The following KPNA5 variants were observed in gnomAD, a reference collection of about 807,000 sequenced individuals.
KPNA5 encodes the protein karyopherin subunit alpha 5, also known as importin subunit alpha-6.
KPNA5 carries 46 observed loss-of-function variants against 71.3 expected under a neutral mutation model. The observed-to-expected ratio is 0.65, with a 90% CI of 0.51 to 0.83. The LOEUF is 0.83. KPNA5 is among the 40% of genes least tolerant of loss of function. The pLI is 0.00. For missense variants in KPNA5, 547 were observed against 628.3 expected (o/e 0.87, Z 1.38); for synonymous variants, 207 against 201.4 (o/e 1.03, Z -0.24).
intron 7 of KPNA5, among the ~76,000 whole-genome samples, chr6:116,715,335 A>T (rs1349582912): frequency 6.6e-6 from 1 of 152,164 alleles, no homozygotes; most frequent in African/African-American, 2.4e-5. Flanking sequence ...CAACTCTAAA[A>T]GTTTCAATTA....
In KPNA5 at chr6:116,733,107, T is replaced by C. The variant is rs1305386649; in HGVS notation, c.*784T>C. On this transcript the variant is annotated 3_prime_UTR_variant, in exon 14 of 14. Coordinates refer to ENST00000368564, the MANE Select transcript of KPNA5 (RefSeq NM_001366306.2). ...ACCAAATATGCTACCATTTTTGAAA[T>C]AGTGTTTTATTGTTTTTCACTCATT... 1 of 151,810 alleles carries C rather than the reference T, an allele frequency of 6.6e-6. No individual in the cohort carries two copies. Among genetic ancestry groups the C allele is most frequent in the East Asian group, 1.9e-4 (1 of 5,196 alleles). 9.4% of individuals were successfully genotyped at this position (151,810 alleles called of 1,614,324 possible).
Position 116,725,761 on chromosome 6 carries a change from A to G in KPNA5, c.1010A>G (p.Asn337Ser). 6.2e-7 allele frequency: 1 copy of G among 1,607,296 alleles called. No individual in the cohort carries two copies. Among genetic ancestry groups the G allele is most frequent in the Non-Finnish European group, 8.5e-7 (1 of 1,177,722 alleles). Residue 337 changes from asparagine to serine, a missense_variant, in exon 11 of 14, where the codon AAT (asparagine) becomes AGT (serine). Physicochemically the swap from Asn to Ser is conservative, Grantham distance 46. Transcript: ENST00000368564. ...TCTAACTTGTTTTAGGTAATTTTGA[A>G]TTGTTCTGCATTACCCTGTCTCTTA... is the stretch of plus-strand genomic sequence containing the variant. ...GDDIQTQVILNCSALPCLLHL... is the reference protein window; with the variant it reads ...GDDIQTQVILSCSALPCLLHL...
intron 1 of KPNA5, 40 bp from the exon 2 acceptor site, chr6:116,689,280 T>C: frequency 6.3e-7 from 1 of 1,583,648 alleles, no homozygotes; most frequent in Non-Finnish European, 8.5e-7. Flanking sequence ...TTTGAGAGAG[T>C]GAGTTATCAG....
chr6:116,721,700 C>T (rs1779112387), intron 8 of KPNA5, among the ~76,000 whole-genome samples: 1 of 152,010 alleles, frequency 6.6e-6, no homozygotes, highest in Non-Finnish European at 1.5e-5. Context: ...CTTTCTGTAC[C>T]TTAGTTCCTC....
chr6:116,698,874 AG>A, intron 5 of KPNA5, 76 bp downstream of exon 5: 6 of 746,562 alleles, frequency 8.0e-6, no homozygotes, highest in Non-Finnish European at 8.6e-6. Flanking sequence ...CAACTTCTGC[AG>A]TATTGACTAT....
intron 1 of KPNA5, among the ~76,000 whole-genome samples, chr6:116,687,635 G>A (rs1051733215): frequency 6.6e-6 from 1 of 152,094 alleles, no homozygotes; most frequent in Non-Finnish European, 1.5e-5. Flanking sequence ...TCCTCCATCC[G>A]TATTCTCTGT....
Position 116,734,144 on chromosome 6 carries a change from G to A in KPNA5, c.*1821G>A, listed in dbSNP as rs1458733457. Reference sequence around the variant, plus strand: ...TAGTTATATTAAAGCTTACCAAATTGATGGTGAATTTATCAGATTAACCTT... The same window carrying A: ...TAGTTATATTAAAGCTTACCAAATTAATGGTGAATTTATCAGATTAACCTT... On this transcript the variant is annotated 3_prime_UTR_variant, in exon 14 of 14. Transcript: ENST00000368564. 6.6e-6 allele frequency: 1 copy of A among 151,658 alleles called. No individual in the cohort carries two copies. The highest frequency in any genetic ancestry group is 2.4e-5 in the African/African-American group (1 of 41,374). The allele number at this position is 151,658 out of a possible 1,614,324, so 9.4% of individuals were successfully genotyped here. A position where few individuals can be genotyped will look rare whatever the true frequency, so the allele number is the denominator to read the frequency against.
chr6:116,728,371 C>A (rs963382671), intron 12 of KPNA5, among the ~76,000 whole-genome samples: 27 of 152,040 alleles, frequency 1.8e-4, no homozygotes, highest in Admixed American at 1.8e-3. Flanking sequence ...TTTCTAACCA[C>A]TTTTATCATT....
At chr6:116,685,073 C>T (rs770825840) in intron 1 of KPNA5, among the ~76,000 whole-genome samples, 10 of 152,156 alleles carry the variant, frequency 6.6e-5, no homozygotes, top group Non-Finnish European at 1.2e-4. Flanking sequence ...ACACAAACAC[C>T]TTTACATAAA....
At chr6:116,724,557 A>C (rs571260839) in intron 10 of KPNA5, among the ~76,000 whole-genome samples, 182 bp downstream of exon 10, 43 of 152,052 alleles carry the variant, frequency 2.8e-4, no homozygotes, top group Non-Finnish European at 5.4e-4. Flanking sequence ...GATTGACTCC[A>C]GCCAGATTTG....
chr6:116,683,552 A>G (rs1562423133), intron 1 of KPNA5, among the ~76,000 whole-genome samples: 1 of 152,122 alleles, frequency 6.6e-6, no homozygotes. Context: ...TGTTATTAGT[A>G]AAGTTATGTT....
intron 7 of KPNA5, among the ~76,000 whole-genome samples, chr6:116,715,870 G>A (rs149510865): frequency 0.042 from 6,327 of 151,742 alleles, 218 homozygotes; most frequent in Non-Finnish European, 0.065. Context: ...AGCCAAGATC[G>A]TGCCACTGCA....
intron 1 of KPNA5, among the ~76,000 whole-genome samples, chr6:116,685,350 G>A (rs1777534831): frequency 6.6e-6 from 1 of 152,136 alleles, no homozygotes; most frequent in African/African-American, 2.4e-5. Flanking sequence ...GTAAACTCGT[G>A]TCATGGGTGT....
chr6:116,699,407 T>G (rs1055127873), intron 5 of KPNA5, among the ~76,000 whole-genome samples: 1 of 152,176 alleles, frequency 6.6e-6, no homozygotes, highest in African/African-American at 2.4e-5. Flanking sequence ...TATTCTTAAG[T>G]CAGAGTACAG....
chr6:116,697,406 A>G (rs936742835), intron 4 of KPNA5, among the ~76,000 whole-genome samples: 6 of 152,106 alleles, frequency 3.9e-5, no homozygotes, highest in Non-Finnish European at 5.9e-5. Context: ...AGTTAGAAGA[A>G]TAGCAAATTT....
chr6:116,724,440 A>T, intron 10 of KPNA5, 65 bp downstream of exon 10: 2 of 1,058,378 alleles, frequency 1.9e-6, no homozygotes, highest in Non-Finnish European at 2.9e-6. Context: ...TATGTTTCAT[A>T]CAACTTGATT....
In KPNA5 at chr6:116,698,798, A is replaced by G. The variant is rs910940647; in HGVS notation, c.435A>G (p.Gln145=). ...AAAGAAATGAAAATTGCACTTTACA[A>G]GTGAGTCTAAAGTTTTCTTTCTTAA... ...FLERNENCTL[Q]FEAAWALTNI... Residue 145 remains glutamine (Q), a splice_region_variant and synonymous_variant, in exon 5 of 14, where the codon CAA becomes CAG. Transcript: ENST00000368564. The G allele has an allele frequency of 2.6e-6, 4 of 1,524,836 alleles. No homozygotes were observed. The African/African-American group carries it at 4.2e-5, about 16-fold the overall frequency. 94.5% of individuals were successfully genotyped at this position (1,524,836 alleles called of 1,614,324 possible).
At chr6:116,715,124 C>A (rs978799270) in intron 7 of KPNA5, among the ~76,000 whole-genome samples, 1 of 152,136 alleles carries the variant, frequency 6.6e-6, no homozygotes, top group African/African-American at 2.4e-5. Flanking sequence ...CTGGGAGGGA[C>A]AAGCACCTGG....
intron 1 of KPNA5, among the ~76,000 whole-genome samples, chr6:116,682,172 AG>A (rs752697608): frequency 6.6e-6 from 1 of 151,962 alleles, no homozygotes; most frequent in African/African-American, 2.4e-5. Flanking sequence ...ATACAAAAAA[AG>A]GAAAAATTAG....
Sources: gnomAD v4.1 joint callset for allele counts (sites outside exome capture counted in the v4.1 genomes callset) on GRCh38, gnomAD v4.1.1 for gene constraint, MANE v1.5 for transcripts, NCBI Gene and HGNC (gene_info 2026-07-23, HGNC 2026-07-21) for gene names.